The following NTM variants were observed in gnomAD, a reference collection of about 807,000 sequenced individuals.
NTM encodes the protein neurotrimin, also known as IgLON family member 2.
In NTM, 13 loss-of-function variants were observed where a neutral mutation model predicts 42.1. That is an observed-to-expected ratio of 0.31 (90% CI 0.20 to 0.49). NTM has a LOEUF of 0.49. NTM is among the 20% of genes least tolerant of loss of function. The probability of loss-of-function intolerance (pLI) is 0.99; values close to 1 mark genes in which losing one functional copy is unlikely to be tolerated. For synonymous variants in NTM, 187 were observed against 179.2 expected (o/e 1.04, Z -0.35); for missense variants, 373 against 452.8 (o/e 0.82, Z 1.60).
Position 131,853,250 on chromosome 11 carries a change from T to G in NTM, c.83-58314T>G, listed in dbSNP as rs544280410. On this transcript the variant is annotated intron_variant, in intron 1 of 8. Transcript: ENST00000683400. ...TTTCTTTTTTTAAATTTCCAACTTT[T>G]AAGTTCATGGGTACATATGCAGGAT... 2.6e-5 allele frequency among the ~76,000 whole-genome samples: 4 copies of G among 152,306 alleles called. No homozygotes were observed. In the South Asian group the frequency reaches 8.3e-4, roughly 32 times the overall value.
intron 1 of NTM, among the ~76,000 whole-genome samples, chr11:131,598,622 C>T (rs375884860): frequency 5.3e-5 from 8 of 152,166 alleles, no homozygotes; most frequent in East Asian, 1.9e-4. Flanking sequence ...CTGCACCATC[C>T]GAACACTGGC....
intron 4 of NTM, among the ~76,000 whole-genome samples, chr11:132,218,658 T>C (rs539376123): frequency 6.6e-6 from 1 of 152,296 alleles, no homozygotes; most frequent in African/African-American, 2.4e-5. Context: ...TTTCGCTCTG[T>C]TATTCCTTCC....
At chr11:131,918,124 T>C (rs951333078) in intron 2 of NTM, among the ~76,000 whole-genome samples, 1 of 152,100 alleles carries the variant, frequency 6.6e-6, no homozygotes, top group Non-Finnish European at 1.5e-5. Context: ...TTACAGATAG[T>C]GGAAGTAGTG....
chr11:131,703,981 C>CT (rs1426149827), intron 1 of NTM, among the ~76,000 whole-genome samples: 3 of 152,140 alleles, frequency 2.0e-5, no homozygotes, highest in Non-Finnish European at 4.4e-5. Context: ...CAGAACCAGG[C>CT]TTTAGACCCA....
intron 2 of NTM, among the ~76,000 whole-genome samples, chr11:132,066,011 A>G (rs952503087): frequency 1.3e-5 from 2 of 152,150 alleles, no homozygotes; most frequent in Non-Finnish European, 2.9e-5. Flanking sequence ...GGGAGTGTAG[A>G]CTAGACCAGT....
intron 1 of NTM, among the ~76,000 whole-genome samples, chr11:131,406,732 GTATT>G (rs1945848919): frequency 6.6e-6 from 1 of 152,172 alleles, no homozygotes; most frequent in African/African-American, 2.4e-5. Flanking sequence ...ACACTGTACT[GTATT>G]TAACTATTTT....
chr11:132,053,172 G>C (rs1190842786), intron 2 of NTM, among the ~76,000 whole-genome samples: 1 of 152,212 alleles, frequency 6.6e-6, no homozygotes, highest in East Asian at 1.9e-4. Flanking sequence ...GGGGGTAGCT[G>C]TCATTGTCCT....
intron 1 of NTM, among the ~76,000 whole-genome samples, chr11:131,542,996 C>T (rs553580730): frequency 2.6e-5 from 4 of 152,330 alleles, no homozygotes; most frequent in East Asian, 1.9e-4. Context: ...GTCCCTGGTG[C>T]CCCTTCCTCT....
chr11:132,258,380 A>T (rs1445023334), intron 4 of NTM, among the ~76,000 whole-genome samples: 1 of 152,116 alleles, frequency 6.6e-6, no homozygotes, highest in Non-Finnish European at 1.5e-5. Context: ...GCTTAAATGG[A>T]TGATTTTTCC....
chr11:131,857,494 T>C (rs887146592), intron 1 of NTM, among the ~76,000 whole-genome samples: 5 of 152,188 alleles, frequency 3.3e-5, no homozygotes, highest in African/African-American at 9.6e-5. Context: ...TAGTACTCAC[T>C]GGCTGTACCT....
At chr11:131,688,788 G>A (rs2074273307) in intron 1 of NTM, among the ~76,000 whole-genome samples, 1 of 152,180 alleles carries the variant, frequency 6.6e-6, no homozygotes, top group Non-Finnish European at 1.5e-5. Context: ...CCTGCTGTCT[G>A]GAGCACCATT....
At chr11:132,027,654 A>G (rs1051380488) in intron 2 of NTM, among the ~76,000 whole-genome samples, 1 of 152,016 alleles carries the variant, frequency 6.6e-6, no homozygotes, top group Admixed American at 6.6e-5. Flanking sequence ...CTCTTCCCCG[A>G]CCCTCAGTTT....
chr11:131,668,379 G>T lies in NTM; in HGVS notation c.83-243185G>T, dbSNP rs182185289. 2.5e-3 allele frequency among the ~76,000 whole-genome samples: 374 copies of T among 151,624 alleles called. 3 individuals carry two copies. Among genetic ancestry groups the T allele is most frequent in the African/African-American group, 8.6e-3 (355 of 41,408 alleles). On this transcript the variant is annotated intron_variant, in intron 1 of 8. Transcript: ENST00000683400. Reference sequence around the variant, plus strand: ...CCAGGTAGTACTACTAATTGTGAGTGGAGATTTTAAAAAAAAAACAAAAAC... The same window carrying T: ...CCAGGTAGTACTACTAATTGTGAGTTGAGATTTTAAAAAAAAAACAAAAAC...
At chr11:131,990,994 C>T (rs938766146) in intron 2 of NTM, among the ~76,000 whole-genome samples, 8 of 152,094 alleles carry the variant, frequency 5.3e-5, no homozygotes, top group African/African-American at 1.4e-4. Context: ...AGAACACTGA[C>T]TTCAGGTACA....
At chr11:131,696,796 C>T (rs1426356329) in intron 1 of NTM, among the ~76,000 whole-genome samples, 1 of 152,138 alleles carries the variant, frequency 6.6e-6, no homozygotes, top group Non-Finnish European at 1.5e-5. Context: ...CACACACACA[C>T]ACACACACAC....
At chr11:131,585,814 T>C (rs2058806572) in intron 1 of NTM, among the ~76,000 whole-genome samples, 1 of 152,208 alleles carries the variant, frequency 6.6e-6, no homozygotes, top group Admixed American at 6.5e-5. Flanking sequence ...TTTGTGTCCT[T>C]TCCTTTTTCC....
intron 1 of NTM, among the ~76,000 whole-genome samples, chr11:131,513,184 C>A (rs1565585635): frequency 6.6e-6 from 1 of 152,206 alleles, no homozygotes; most frequent in East Asian, 1.9e-4. Context: ...AGGCCTGAAC[C>A]CAAAGTGCAA....
intron 1 of NTM, among the ~76,000 whole-genome samples, chr11:131,460,080 A>G (rs1002213865): frequency 5.3e-5 from 8 of 152,186 alleles, no homozygotes; most frequent in Non-Finnish European, 1.2e-4. Flanking sequence ...AAAAGTTGAG[A>G]TATGGGACTG....
At chr11:132,000,694 A>G (rs2069040929) in intron 2 of NTM, among the ~76,000 whole-genome samples, 5 of 152,170 alleles carry the variant, frequency 3.3e-5, no homozygotes, top group Admixed American at 3.3e-4. Flanking sequence ...CACTCCCTCA[A>G]CACACAAAGC....
Sources: gnomAD v4.1 joint callset for allele counts (sites outside exome capture counted in the v4.1 genomes callset) on GRCh38, gnomAD v4.1.1 for gene constraint, MANE v1.5 for transcripts, NCBI Gene and HGNC (gene_info 2026-07-23, HGNC 2026-07-21) for gene names.